The following CCSER1 variants were observed in gnomAD, a reference collection of about 807,000 sequenced individuals.
The protein encoded by CCSER1 is coiled-coil serine rich protein 1.
Under a neutral mutation model 82.0 loss-of-function variants are expected in CCSER1, and 41 were observed. The ratio of observed to expected loss-of-function variants is 0.50; its 90% CI spans 0.39 to 0.65. The LOEUF (loss-of-function observed/expected upper bound fraction) is 0.65, where lower values mean the gene tolerates loss of function less well. CCSER1 is among the 30% of genes least tolerant of loss of function. The pLI is 0.00. For synonymous variants in CCSER1, 414 were observed against 383.9 expected (o/e 1.08, Z -0.92); for missense variants, 1,119 against 1,064.2 (o/e 1.05, Z -0.72).
At chr4:90,829,290 A>G (rs1019770764) in intron 8 of CCSER1, among the ~76,000 whole-genome samples, 6 of 152,164 alleles carry the variant, frequency 3.9e-5, no homozygotes, top group East Asian at 1.9e-4. Context: ...AAATAATACA[A>G]TTTGAAGCCT....
At chr4:90,707,943 T>A (rs568256821) in intron 6 of CCSER1, among the ~76,000 whole-genome samples, 3 of 152,264 alleles carry the variant, frequency 2.0e-5, no homozygotes, top group African/African-American at 7.2e-5. Context: ...TTATCCTACC[T>A]ACTGAACTTA....
intron 9 of CCSER1, among the ~76,000 whole-genome samples, chr4:90,936,692 A>G (rs1201898506): frequency 6.6e-6 from 1 of 152,154 alleles, no homozygotes; most frequent in African/African-American, 2.4e-5. Flanking sequence ...AATACACAGA[A>G]AAACAGAATT....
In CCSER1 at chr4:90,802,545, A is replaced by C. The variant is rs531692634; in HGVS notation, c.2011-13217A>C. 8.9e-5 allele frequency among the ~76,000 whole-genome samples: 13 copies of C among 146,174 alleles called. No individual in the cohort carries two copies. The South Asian group carries it at 2.8e-3, about 31-fold the overall frequency. On this transcript the variant is annotated intron_variant, in intron 7 of 10. Coordinates refer to ENST00000509176, the MANE Select transcript of CCSER1 (RefSeq NM_001145065.2). ...GAATTTTTAGTTAATGTTTATAAAA[A>C]AATTTTATAGCATCAAGTAGTAATT...
chr4:90,870,130 A>G (rs997851444), intron 8 of CCSER1, among the ~76,000 whole-genome samples: 3 of 151,926 alleles, frequency 2.0e-5, no homozygotes, highest in Non-Finnish European at 2.9e-5. Context: ...AGATCATATT[A>G]TCTGCAAACA....
At chr4:90,954,972 T>C (rs978118208) in intron 9 of CCSER1, among the ~76,000 whole-genome samples, 1 of 152,180 alleles carries the variant, frequency 6.6e-6, no homozygotes, top group African/African-American at 2.4e-5. Flanking sequence ...CCAGATACTT[T>C]TATGCTTAGT....
At position 91,603,677 on chromosome 4, in the gene CCSER1, T is replaced by C. The variant is rs1764888512; in HGVS notation, c.*4620T>C. 1 of 152,088 alleles carries C rather than the reference T, an allele frequency of 6.6e-6. No homozygotes were observed. The highest frequency in any genetic ancestry group is 2.1e-4 in the South Asian group (1 of 4,826). 9.4% of individuals were successfully genotyped at this position (152,088 alleles called of 1,614,324 possible). The stretch of plus-strand genomic sequence containing the variant: ...AATTCAAGAATAGGAGCATCCTACA[T>C]CTTTCATTCTTTCCAAACATTACCT... On this transcript the variant is annotated 3_prime_UTR_variant, in exon 11 of 11. Coordinates refer to ENST00000509176, the MANE Select transcript of CCSER1 (RefSeq NM_001145065.2).
chr4:90,438,542 G>A (rs1223359430), intron 4 of CCSER1, among the ~76,000 whole-genome samples: 1 of 152,056 alleles, frequency 6.6e-6, no homozygotes, highest in African/African-American at 2.4e-5. Context: ...GGGCAATAAT[G>A]AAAAGAGACA....
At chr4:90,876,902 G>C (rs769528051) in intron 8 of CCSER1, among the ~76,000 whole-genome samples, 6 of 151,980 alleles carry the variant, frequency 3.9e-5, no homozygotes, top group Non-Finnish European at 7.4e-5. Context: ...TTGTCTCAGA[G>C]TTATTTTAAC....
At chr4:90,453,456 T>G (rs1178618171) in intron 4 of CCSER1, among the ~76,000 whole-genome samples, 1 of 152,164 alleles carries the variant, frequency 6.6e-6, no homozygotes. Context: ...TGGCTTCTAG[T>G]CATTTCCTAA....
chr4:90,632,361 G>A (rs1480889631), intron 6 of CCSER1, among the ~76,000 whole-genome samples: 2 of 151,834 alleles, frequency 1.3e-5, no homozygotes, highest in Non-Finnish European at 2.9e-5. Context: ...TTTTCATCAA[G>A]TAATTCATTT....
intron 4 of CCSER1, among the ~76,000 whole-genome samples, chr4:90,444,647 T>G (rs1049415185): frequency 6.6e-6 from 1 of 152,056 alleles, no homozygotes; most frequent in African/African-American, 2.4e-5. Flanking sequence ...ATTAAGGACA[T>G]TTGCTGATAA....
rs1176416450 is a variant in CCSER1, at chr4:90,308,317, G to C, written c.33G>C (p.Leu11=). The change falls in exon 2 of 11, where the codon CTG becomes CTC. Residue 11 remains leucine (L), a synonymous_variant. Transcript: ENST00000509176. ...ACTCAGGATCAAGACGATCTACCCT[G>C]GTCTCCCGGTTGCCAATATTCAGAA... MGDSGSRRST[L]VSRLPIFRRS... The C allele has an allele frequency of 3.8e-6, 6 of 1,598,712 alleles. No individual in the cohort carries two copies. Among genetic ancestry groups the C allele is most frequent in the Non-Finnish European group, 4.3e-6 (5 of 1,172,196 alleles).
intron 10 of CCSER1, among the ~76,000 whole-genome samples, chr4:91,283,956 A>G (rs1743097440): frequency 6.6e-6 from 1 of 152,092 alleles, no homozygotes; most frequent in Non-Finnish European, 1.5e-5. Flanking sequence ...TCAATATGCA[A>G]TCCCCAGTGT....
chr4:90,293,867 A>G (rs897448957), intron 1 of CCSER1, among the ~76,000 whole-genome samples: 1 of 151,942 alleles, frequency 6.6e-6, no homozygotes, highest in African/African-American at 2.4e-5. Flanking sequence ...TTAATGAGAA[A>G]AAGTCATAAT....
At chr4:90,433,939 A>T (rs1048189942) in intron 4 of CCSER1, among the ~76,000 whole-genome samples, 1 of 151,960 alleles carries the variant, frequency 6.6e-6, no homozygotes, top group African/African-American at 2.4e-5. Context: ...ATAGCTGCAT[A>T]TGACAGGAAC....
At chr4:91,442,202 C>T (rs375958067) in intron 10 of CCSER1, among the ~76,000 whole-genome samples, 2 of 150,864 alleles carry the variant, frequency 1.3e-5, no homozygotes, top group African/African-American at 4.9e-5. Context: ...GGAGGCATCA[C>T]GCTACCTGAC....
intron 10 of CCSER1, among the ~76,000 whole-genome samples, chr4:91,497,352 T>TA (rs1035057178): frequency 1.7e-4 from 25 of 151,470 alleles, no homozygotes; most frequent in African/African-American, 2.7e-4. Context: ...TTTACATTTC[T>TA]AAAAAAAATA....
At position 90,130,029 on chromosome 4, in the gene CCSER1, T is replaced by G. The variant is rs557820584; in HGVS notation, c.-42+2198T>G. On this transcript the variant is annotated intron_variant, in intron 1 of 10. Transcript: ENST00000509176. ...TAAGAGAATCAGCAACTGTTTATTA[T>G]TTTAAAGATACATTATTTATACCAT... Among the ~76,000 whole-genome samples, 6 of 152,374 alleles carry G rather than the reference T, an allele frequency of 3.9e-5. No individual in the cohort carries two copies. In the East Asian group the frequency reaches 1.2e-3, roughly 29 times the overall value.
At chr4:91,212,431 A>G (rs1736894678) in intron 10 of CCSER1, among the ~76,000 whole-genome samples, 1 of 151,880 alleles carries the variant, frequency 6.6e-6, no homozygotes, top group African/African-American at 2.4e-5. Context: ...TTCAGCTGCT[A>G]AGTGGTTCTA....
Sources: allele counts gnomAD v4.1 joint callset (sites outside exome capture counted in the v4.1 genomes callset), GRCh38; gene constraint gnomAD v4.1.1; transcripts MANE v1.5; gene names NCBI Gene and HGNC (gene_info 2026-07-23, HGNC 2026-07-21).